PRDM5: variants seen among roughly 807,000 people sequenced by gnomAD.
The protein encoded by PRDM5 is PR/SET domain 5.
A neutral mutation model predicts 81.2 loss-of-function variants in PRDM5; 56 were observed. That is an observed-to-expected ratio of 0.69 (90% CI 0.56 to 0.86). The LOEUF is 0.86. PRDM5 is among the 40% of genes least tolerant of loss of function. PRDM5 has a pLI of 0.00. For synonymous variants in PRDM5, 267 were observed against 256.4 expected (o/e 1.04, Z -0.39); for missense variants, 697 against 770.1 (o/e 0.91, Z 1.12).
chr4:120,820,938 C>A (rs1010997826), intron 4 of PRDM5, among the ~76,000 whole-genome samples: 1 of 152,246 alleles, frequency 6.6e-6, no homozygotes, highest in Admixed American at 6.5e-5. Flanking sequence ...CAATGCAGCC[C>A]TGCCTGCGGC....
At chr4:120,859,903 T>C (rs2148493576) in intron 2 of PRDM5, among the ~76,000 whole-genome samples, 1 of 152,310 alleles carries the variant, frequency 6.6e-6, no homozygotes, top group Non-Finnish European at 1.5e-5. Context: ...CGGGTTATCC[T>C]CATGGGTGCA....
intron 5 of PRDM5, 69 bp downstream of exon 5, chr4:120,818,284 A>G (rs1754806109): frequency 6.5e-7 from 1 of 1,528,330 alleles, no homozygotes; most frequent in Non-Finnish European, 9.0e-7. Flanking sequence ...GTTAAAAACT[A>G]TGAGTTAAGC....
chr4:120,804,953 G>C (rs1038495361), intron 8 of PRDM5, among the ~76,000 whole-genome samples: 11 of 152,000 alleles, frequency 7.2e-5, no homozygotes, highest in Non-Finnish European at 1.6e-4. Context: ...TAGACCGCTA[G>C]CAAGACTAAT....
chr4:120,908,530 C>T lies in PRDM5; in HGVS notation c.94-973G>A, dbSNP rs114494854. Among the ~76,000 whole-genome samples, 948 of 152,164 alleles carry T rather than the reference C, an allele frequency of 6.2e-3. 9 individuals are homozygous for T. Among genetic ancestry groups the T allele is most frequent in the African/African-American group, 0.022 (900 of 41,498 alleles). ...AATTACTTAATGAACAACAGAACAC[C>T]CAACTCCTGAGAACAGTAAAATTTT... On this transcript the variant is annotated intron_variant, in intron 1 of 15. Coordinates refer to ENST00000264808, the MANE Select transcript of PRDM5 (RefSeq NM_018699.4).
At chr4:120,690,164 A>G (rs1398843874), downstream of PRDM5, among the ~76,000 whole-genome samples, 19 of 152,228 alleles carry the variant, frequency 1.2e-4, no homozygotes, top group African/African-American at 4.1e-4. Context: ...AATAAAAAGT[A>G]TAGAGTTGGG....
intron 1 of PRDM5, among the ~76,000 whole-genome samples, chr4:120,919,503 T>C (rs1724627401): frequency 6.6e-6 from 1 of 152,200 alleles, no homozygotes; most frequent in African/African-American, 2.4e-5. Context: ...TGAAATAACC[T>C]TTCCACTTTG....
intron 14 of PRDM5, among the ~76,000 whole-genome samples, chr4:120,749,773 A>G (rs1743698673): frequency 6.6e-6 from 1 of 152,202 alleles, no homozygotes; most frequent in East Asian, 1.9e-4. Context: ...GAACCTGACT[A>G]CGTATCCTGC....
In PRDM5 at chr4:120,704,856, T is replaced by C. The variant is rs537080723; in HGVS notation, c.1728+5453A>G. Among the ~76,000 whole-genome samples, 4 of 152,266 alleles carry C rather than the reference T, an allele frequency of 2.6e-5. No homozygotes were observed. The East Asian group carries it at 7.7e-4, about 29-fold the overall frequency. Reference sequence around the variant, plus strand: ...TGACAGGGAGGGGGAAGAAGATAGTTACAGGTACTGTGAGCGTGAAGAACA... The same window carrying C: ...TGACAGGGAGGGGGAAGAAGATAGTCACAGGTACTGTGAGCGTGAAGAACA... On this transcript the variant is annotated intron_variant, in intron 15 of 15. Transcript: ENST00000264808.
At chr4:120,772,148 G>A (rs1561171406) in intron 13 of PRDM5, among the ~76,000 whole-genome samples, 1 of 152,138 alleles carries the variant, frequency 6.6e-6, no homozygotes, top group African/African-American at 2.4e-5. Context: ...GAAACACCCT[G>A]AGACCTGTTT....
At position 120,730,783 on chromosome 4, in the gene PRDM5, C is replaced by T. The variant is rs544860589; in HGVS notation, c.1624-20370G>A. On this transcript the variant is annotated intron_variant, in intron 14 of 15. Transcript: ENST00000264808. ...GGTGAAGCAACAATCAGCTTCAATG[C>T]TAAATATTTATAGAGGTTTATTTTA... Among the ~76,000 whole-genome samples, 10 of 141,500 alleles carry T rather than the reference C, an allele frequency of 7.1e-5. No homozygotes were observed. The South Asian group carries it at 9.4e-4, about 13-fold the overall frequency. The allele number at this position is 141,500 out of a possible 152,430, so 92.8% of individuals were successfully genotyped here.
intron 3 of PRDM5, among the ~76,000 whole-genome samples, chr4:120,847,926 G>A (rs373764019): frequency 6.6e-6 from 1 of 152,142 alleles, no homozygotes; most frequent in African/African-American, 2.4e-5. Flanking sequence ...AGGACGAGAG[G>A]CACAGAAAGT....
chr4:120,801,066 T>C (rs989053383), intron 8 of PRDM5, among the ~76,000 whole-genome samples: 5 of 152,228 alleles, frequency 3.3e-5, no homozygotes, highest in Admixed American at 1.3e-4. Context: ...ATCATCCCAA[T>C]GAACAACAGC....
At chr4:120,893,807 T>C (rs532391505) in intron 2 of PRDM5, among the ~76,000 whole-genome samples, 23 of 152,356 alleles carry the variant, frequency 1.5e-4, no homozygotes, top group African/African-American at 5.5e-4. Context: ...CTAGTAATGT[T>C]TCTTCCTTAA....
intron 2 of PRDM5, among the ~76,000 whole-genome samples, chr4:120,884,627 G>C (rs914731854): frequency 1.3e-5 from 2 of 152,110 alleles, no homozygotes; most frequent in Admixed American, 1.3e-4. Flanking sequence ...AAATATCTAA[G>C]AAAGAGTAAA....
At chr4:120,791,352 C>T (rs1750547740) in intron 10 of PRDM5, among the ~76,000 whole-genome samples, 1 of 152,104 alleles carries the variant, frequency 6.6e-6, no homozygotes, top group South Asian at 2.1e-4. Flanking sequence ...GAAGTAGGTT[C>T]CTGAATGATA....
intron 8 of PRDM5, among the ~76,000 whole-genome samples, chr4:120,801,695 T>C (rs985477428): frequency 5.3e-5 from 8 of 152,206 alleles, no homozygotes; most frequent in Non-Finnish European, 8.8e-5. Flanking sequence ...GGAATGCTAG[T>C]GCTCCAGAGC....
chr4:120,790,500 G>C (rs554763117), intron 10 of PRDM5, among the ~76,000 whole-genome samples: 23 of 152,206 alleles, frequency 1.5e-4, no homozygotes, highest in Admixed American at 7.2e-4. Context: ...TAGATAACTT[G>C]TTTTCTAGGC....
At chr4:120,852,824 T>C (rs958269946) in intron 3 of PRDM5, among the ~76,000 whole-genome samples, 1 of 136,676 alleles carries the variant, frequency 7.3e-6, no homozygotes, top group African/African-American at 2.7e-5. Context: ...TTTGGAGCCA[T>C]AGTCTTGCTC....
chr4:120,853,572 G>T (rs1330557880), intron 2 of PRDM5, 32 bp from the exon 3 acceptor site: 1 of 1,613,194 alleles, frequency 6.2e-7, no homozygotes, highest in South Asian at 1.1e-5. Context: ...AGTTTACAAT[G>T]GAAGTCAGAA....
Sources: allele counts gnomAD v4.1 joint callset (sites outside exome capture counted in the v4.1 genomes callset), GRCh38; gene constraint gnomAD v4.1.1; transcripts MANE v1.5; gene names NCBI Gene and HGNC (gene_info 2026-07-23, HGNC 2026-07-21).